MYCBP2: variants seen among roughly 807,000 people sequenced by gnomAD.
MYCBP2 encodes the protein MYC binding protein 2.
In MYCBP2, 120 loss-of-function variants were observed where a neutral mutation model predicts 525.3. The ratio of observed to expected loss-of-function variants is 0.23; its 90% confidence interval spans 0.20 to 0.27. MYCBP2 has a LOEUF of 0.27. Ranked by LOEUF, MYCBP2 falls within the 10% of genes least tolerant of loss-of-function variation. The pLI, the probability that MYCBP2 is intolerant of heterozygous loss-of-function variation, is 1.00. For missense variants in MYCBP2, 4,149 were observed against 5,657.1 expected (o/e 0.73, Z 8.55); for synonymous variants, 1,894 against 1,955.8 (o/e 0.97, Z 0.83).
At chr13:77,229,142 C>T (rs1401775071) in intron 18 of MYCBP2, among the ~76,000 whole-genome samples, 2 of 152,180 alleles carry the variant, frequency 1.3e-5, no homozygotes, top group African/African-American at 4.8e-5. Flanking sequence ...TTCTCATTTG[C>T]TAGTTGTATG....
At chr13:77,152,837 G>A (rs553800218) in intron 46 of MYCBP2, among the ~76,000 whole-genome samples, 8 of 152,018 alleles carry the variant, frequency 5.3e-5, no homozygotes, top group Non-Finnish European at 7.4e-5. Context: ...AGTCTGAGGC[G>A]GGCGAATCAC....
chr13:77,097,812 G>A lies in MYCBP2; in HGVS notation c.9342C>T (p.Ser3114=). 6.2e-7 allele frequency: 1 copy of A among 1,613,688 alleles called. No homozygotes were observed. The highest frequency in any genetic ancestry group is 8.5e-7 in the Non-Finnish European group (1 of 1,179,810). Residue 3114 remains serine, a synonymous_variant, in exon 56 of 83, where the codon AGC becomes AGT. Transcript: ENST00000544440. The part of the protein sequence containing the change: ...PHGPDISKMG[S]INKNKVLSML... ...TAGACAATACCTTGTTTTTGTTGAT[G>A]CTACCCATCTTAGATATATCTGGTC...
chr13:77,224,356 A>T, intron 20 of MYCBP2, 95 bp downstream of exon 20: 1 of 771,866 alleles, frequency 1.3e-6, no homozygotes. Flanking sequence ...AATTCTAGAA[A>T]TATATACTTA....
intron 56 of MYCBP2, among the ~76,000 whole-genome samples, chr13:77,097,116 C>A (rs1361116108): frequency 6.6e-6 from 1 of 152,060 alleles, no homozygotes; most frequent in Non-Finnish European, 1.5e-5. Context: ...AATGGCACAC[C>A]CTTTGGGTAA....
At chr13:77,292,958 C>CAAA (rs548135428) in intron 2 of MYCBP2, among the ~76,000 whole-genome samples, 1,293 of 61,160 alleles carry the variant, frequency 0.021, 26 homozygotes, top group South Asian at 0.062. Flanking sequence ...GACTCCGTCT[C>CAAA]AAAAAAAAAA....
At position 77,083,153 on chromosome 13, in the gene MYCBP2, T is replaced by C. The variant is rs2043597744; in HGVS notation, c.10915A>G (p.Ile3639Val). The C allele has an allele frequency of 4.3e-6, 7 of 1,613,328 alleles. No individual in the cohort carries two copies. Among genetic ancestry groups the C allele is most frequent in the Non-Finnish European group, 5.1e-6 (6 of 1,179,592 alleles). The change falls in exon 63 of 83, where the codon ATA becomes GTA. Residue 3639 changes from isoleucine (I) to valine (V), a missense_variant. Physicochemically the swap from Ile to Val is conservative, Grantham distance 29. Transcript: ENST00000544440. ...TRVCEHPLSDIVIAGEAAHPL... is the reference protein window; with the variant it reads ...TRVCEHPLSDVVIAGEAAHPL... ...TGAGCAGCTTCCCCGGCAATCACTA[T>C]GTCTGAGAGTGGATGTTCACATACT... is the stretch of plus-strand genomic sequence containing the variant.
chr13:77,084,507 C>G (rs2043875351), intron 62 of MYCBP2, among the ~76,000 whole-genome samples: 1 of 152,132 alleles, frequency 6.6e-6, no homozygotes. Context: ...AGCAGGCCAT[C>G]TAGATTCCAT....
intron 46 of MYCBP2, among the ~76,000 whole-genome samples, chr13:77,151,858 C>G (rs560092731): frequency 6.6e-6 from 1 of 152,214 alleles, no homozygotes; most frequent in African/African-American, 2.4e-5. Flanking sequence ...TATGCATTGG[C>G]AGAAAAACAC....
intron 26 of MYCBP2, among the ~76,000 whole-genome samples, chr13:77,195,133 C>T (rs2061635565): frequency 6.6e-6 from 1 of 151,990 alleles, no homozygotes; most frequent in East Asian, 1.9e-4. Context: ...AAGTACTGTG[C>T]TAGGTGTCTA....
intron 23 of MYCBP2, among the ~76,000 whole-genome samples, chr13:77,208,621 T>C (rs1345918239): frequency 6.6e-6 from 1 of 152,212 alleles, no homozygotes. Flanking sequence ...AGAGTAGGTA[T>C]GTTTTTATTT....
chr13:77,250,559 A>C (rs961940128), intron 15 of MYCBP2, among the ~76,000 whole-genome samples: 2 of 152,230 alleles, frequency 1.3e-5, no homozygotes, highest in African/African-American at 4.8e-5. Context: ...CTAACATCCT[A>C]GCAGAAAACC....
In MYCBP2 at chr13:77,288,427, G is replaced by C. The variant is rs766340909; in HGVS notation, c.379-51C>G. The C allele has an allele frequency of 3.4e-6, 5 of 1,456,314 alleles. No individual in the cohort carries two copies. The East Asian group carries it at 1.1e-4, about 33-fold the overall frequency. 90.2% of individuals were successfully genotyped at this position (1,456,314 alleles called of 1,614,324 possible). ...ATTTCACACTCTTTTCTATCATCAA[G>C]TCCCATTTTACATAAAAGTAAAGAT... On this transcript the variant is annotated intron_variant, in intron 2 of 82. Transcript: ENST00000544440.
chr13:77,124,218 A>T (rs1335750766), intron 54 of MYCBP2, among the ~76,000 whole-genome samples: 2 of 152,174 alleles, frequency 1.3e-5, no homozygotes, highest in African/African-American at 4.8e-5. Flanking sequence ...TTTAAATTCT[A>T]GAGCTTGAGT....
At chr13:77,102,925 A>G (rs922024211) in intron 55 of MYCBP2, among the ~76,000 whole-genome samples, 1 of 152,002 alleles carries the variant, frequency 6.6e-6, no homozygotes. Context: ...TTCTTTCCTT[A>G]TACCTATTTT....
chr13:77,051,689 G>T, intron 81 of MYCBP2, 122 bp downstream of exon 81: 2 of 657,642 alleles, frequency 3.0e-6, no homozygotes, highest in South Asian at 2.5e-5. Flanking sequence ...ATACAACACT[G>T]AACAAATATC....
rs968576431 is a variant in MYCBP2, at chr13:77,296,198, T to C, written c.378+401A>G. Among the ~76,000 whole-genome samples, 5 of 152,090 alleles carry C rather than the reference T, an allele frequency of 3.3e-5. No individual in the cohort carries two copies. In the East Asian group the frequency reaches 7.7e-4, roughly 23 times the overall value. On this transcript the variant is annotated intron_variant, in intron 2 of 82. Coordinates refer to ENST00000544440, the MANE Select transcript of MYCBP2 (RefSeq NM_015057.5). ...ACTTTGGGAGGCCGAGGTGAGAGGA[T>C]TGCTTGAGCCCACGAGTTCGAGACA...
chr13:77,082,039 G>A (rs772768314), intron 63 of MYCBP2, 46 bp from the exon 64 acceptor site: 1 of 1,571,468 alleles, frequency 6.4e-7, no homozygotes, highest in Non-Finnish European at 8.7e-7. Context: ...TTATTTTCCA[G>A]GAACATCTAA....
intron 49 of MYCBP2, chr13:77,144,233 G>A (rs1204794243): frequency 3.8e-6 from 2 of 531,662 alleles, no homozygotes; most frequent in Non-Finnish European, 6.7e-6. Flanking sequence ...AGAGTCATGA[G>A]GGCTACAGTG....
At chr13:77,315,906 A>G (rs1284754154) in intron 1 of MYCBP2, among the ~76,000 whole-genome samples, 1 of 151,178 alleles carries the variant, frequency 6.6e-6, no homozygotes, top group African/African-American at 2.4e-5. Flanking sequence ...AAAAAAAAAA[A>G]AAAAAAAATT....
Sources: allele counts gnomAD v4.1 joint callset (sites outside exome capture counted in the v4.1 genomes callset), GRCh38; gene constraint gnomAD v4.1.1; transcripts MANE v1.5; gene names NCBI Gene and HGNC (gene_info 2026-07-23, HGNC 2026-07-21).